The following IMPACT variants were observed in gnomAD, a reference collection of about 807,000 sequenced individuals.
IMPACT encodes protein IMPACT.
In IMPACT, 35 loss-of-function variants were observed where a neutral mutation model predicts 47.5. The ratio of observed to expected loss-of-function variants is 0.74; its 90% CI spans 0.56 to 0.98. The LOEUF (loss-of-function observed/expected upper bound fraction) is 0.98. IMPACT is among the 50% of genes least tolerant of loss of function. IMPACT has a pLI of 0.00. For missense variants in IMPACT, 373 were observed against 394.8 expected, an observed-to-expected ratio of 0.94 and a Z score of 0.47; for synonymous variants, 118 against 125.6, an observed-to-expected ratio of 0.94 and a Z score of 0.40.
chr18:24,450,002 G>A (rs1467718600), intron 10 of IMPACT, 49 bp downstream of exon 10: 1 of 1,587,634 alleles, frequency 6.3e-7, no homozygotes, highest in Non-Finnish European at 8.6e-7. Context: ...TCACTGCCTG[G>A]GAATTTTTTA....
intron 4 of IMPACT, among the ~76,000 whole-genome samples, chr18:24,431,441 G>A (rs1908755806): frequency 6.6e-6 from 1 of 152,170 alleles, no homozygotes. Context: ...TGTAGGTTAT[G>A]TTGAAGATTC....
chr18:24,427,858 GTAAGAA>G (rs776628066), intron 1 of IMPACT, 55 bp from the exon 2 acceptor site: 289 of 1,479,438 alleles, frequency 2.0e-4, no homozygotes, highest in Non-Finnish European at 2.5e-4. Flanking sequence ...TTATAAAGTA[GTAAGAA>G]TAGGATTTTA....
At chr18:24,426,868 G>C in intron 1 of IMPACT, 76 bp downstream of exon 1, 1 of 1,073,922 alleles carries the variant, frequency 9.3e-7, no homozygotes, top group Non-Finnish European at 1.2e-6. Context: ...CCTCAGCCGA[G>C]GGGCCCTCCG....
At chr18:24,437,081 G>GT (rs955925611) in intron 4 of IMPACT, among the ~76,000 whole-genome samples, 2 of 152,144 alleles carry the variant, frequency 1.3e-5, no homozygotes, top group Non-Finnish European at 2.9e-5. Context: ...TCTGTCTCTT[G>GT]TTTCGAAAGT....
chr18:24,430,474 C>A, intron 4 of IMPACT, 90 bp downstream of exon 4: 1 of 902,940 alleles, frequency 1.1e-6, no homozygotes, highest in Non-Finnish European at 1.7e-6. Context: ...TAGAACCTCT[C>A]TAAACTTTTT....
At chr18:24,433,281 GCT>G (rs1229878589) in intron 4 of IMPACT, among the ~76,000 whole-genome samples, 1 of 129,080 alleles carries the variant, frequency 7.7e-6, no homozygotes, top group Non-Finnish European at 1.6e-5. Context: ...CTCACTGCAA[GCT>G]CTGCCTCCCG....
chr18:24,433,452 G>A (rs1247195092), intron 4 of IMPACT, among the ~76,000 whole-genome samples: 2 of 150,298 alleles, frequency 1.3e-5, no homozygotes, highest in African/African-American at 2.4e-5. Flanking sequence ...ACCCGCCTCG[G>A]CCTCCCAAAG....
At position 24,427,934 on chromosome 18, in the gene IMPACT, G is replaced by T. The variant is rs771216933; in HGVS notation, c.52G>T (p.Ala18Ser). The T allele has an allele frequency of 7.8e-5, 124 of 1,594,440 alleles. No individual in the cohort carries two copies. Among genetic ancestry groups the T allele is most frequent in the Non-Finnish European group, 1.0e-4 (121 of 1,174,648 alleles). Residue 18 changes from alanine (A) to serine (S), a missense_variant, in exon 2 of 11, where the codon GCA (alanine) becomes TCA (serine). Ala to Ser is a moderately conservative substitution (Grantham distance 99). Coordinates refer to ENST00000284202, the MANE Select transcript of IMPACT (RefSeq NM_018439.4). ...TTTCTTTCAGAATGAGGAAATTGAAGCAATGGCAGCCATTTATGGCGAGGA... is the reference window on the plus strand; with the variant it reads ...TTTCTTTCAGAATGAGGAAATTGAATCAATGGCAGCCATTTATGGCGAGGA... ...SDQRQNEEIEAMAAIYGEEWC... is the reference protein window; with the variant it reads ...SDQRQNEEIESMAAIYGEEWC...
In IMPACT at chr18:24,451,714, A is replaced by G. The variant is rs1448999115; in HGVS notation, c.*867A>G. ...GCTGTGGCAAATGGGACATTCGTAG[A>G]GTGGGATAGAGGTGGCAGAATGAAC... On this transcript the variant is annotated 3_prime_UTR_variant, in exon 11 of 11. Transcript: ENST00000284202. 1 of 152,180 alleles carries G rather than the reference A, an allele frequency of 6.6e-6. No individual in the cohort carries two copies. Among genetic ancestry groups the G allele is most frequent in the Non-Finnish European group, 1.5e-5 (1 of 68,014 alleles). 9.4% of individuals were successfully genotyped at this position (152,180 alleles called of 1,614,324 possible).
At chr18:24,429,782 AT>A (rs34666741) in intron 3 of IMPACT, among the ~76,000 whole-genome samples, 18,478 of 145,022 alleles carry the variant, frequency 0.13, 1,279 homozygotes, top group Non-Finnish European at 0.16. Context: ...CTTTTAAGAA[AT>A]TTTTTTTTTT....
At position 24,453,386 on chromosome 18, in the gene IMPACT, C is replaced by A. The variant is rs1053480; in HGVS notation, c.*2539C>A. 4.0e-5 allele frequency: 6 copies of A among 151,838 alleles called. No individual in the cohort carries two copies. Among genetic ancestry groups the A allele is most frequent in the Non-Finnish European group, 7.4e-5 (5 of 67,932 alleles). The allele number at this position is 151,838 out of a possible 1,614,324, so 9.4% of individuals were successfully genotyped here. On this transcript the variant is annotated 3_prime_UTR_variant, in exon 11 of 11. Coordinates refer to ENST00000284202, the MANE Select transcript of IMPACT (RefSeq NM_018439.4). ...ATGTACATCCTTATATTATTTTTTT[C>A]TTATGCATGATTTTGTATATATGGT...
rs1054787846 is a variant in IMPACT, at chr18:24,426,796, A to T, written c.36+4A>T. 8 of 1,239,360 alleles carry T rather than the reference A, an allele frequency of 6.5e-6. No individual in the cohort carries two copies. The highest frequency in any genetic ancestry group is 8.1e-6 in the Non-Finnish European group (8 of 988,510). The allele number at this position is 1,239,360 out of a possible 1,614,324, so 76.8% of individuals were successfully genotyped here. A position where few individuals can be genotyped will look rare whatever the true frequency, so the allele number is the denominator to read the frequency against. ...CGCAGGGAGCGACCAGAGGCAGGTGAGGCCCCGGCGGGGTGCTGTCTCTCC... is the reference window on the plus strand; with the variant it reads ...CGCAGGGAGCGACCAGAGGCAGGTGTGGCCCCGGCGGGGTGCTGTCTCTCC... On this transcript the variant is annotated splice_donor_region_variant and intron_variant, in intron 1 of 10. Transcript: ENST00000284202.
At position 24,450,933 on chromosome 18, in the gene IMPACT, A is replaced by G. The variant is rs2144352281; in HGVS notation, c.*86A>G. 2 of 773,174 alleles carry G rather than the reference A, an allele frequency of 2.6e-6. No homozygotes were observed. Among genetic ancestry groups the G allele is most frequent in the African/African-American group, 1.7e-5 (1 of 57,148 alleles). The allele number at this position is 773,174 out of a possible 1,614,324, so 47.9% of individuals were successfully genotyped here. On this transcript the variant is annotated 3_prime_UTR_variant, in exon 11 of 11. Coordinates refer to ENST00000284202, the MANE Select transcript of IMPACT (RefSeq NM_018439.4). ...AAGGAATATATTGTGCAGAGAGAGT[A>G]TCCTTGACTGCTTAAGTCAGCCAGT...
rs1258115482 is a variant in IMPACT, at chr18:24,430,453, G to GAACC, written c.281+70_281+73dup. On this transcript the variant is annotated intron_variant, in intron 4 of 10. Transcript: ENST00000284202. ...TATTGTGGGCTTTTGTTGAACCTGTGAACCCTTTGTTAGAACCTCTCTAAA... is the reference window on the plus strand; with the variant it reads ...TATTGTGGGCTTTTGTTGAACCTGTGAACCAACCCTTTGTTAGAACCTCTCTAAA... 2.4e-6 allele frequency: 3 copies of GAACC among 1,230,374 alleles called. No individual in the cohort carries two copies. The East Asian group carries it at 7.2e-5, about 29-fold the overall frequency. The allele number at this position is 1,230,374 out of a possible 1,614,324, so 76.2% of individuals were successfully genotyped here.
intron 9 of IMPACT, among the ~76,000 whole-genome samples, chr18:24,448,524 C>T (rs897202328): frequency 2.0e-5 from 3 of 151,814 alleles, no homozygotes; most frequent in African/African-American, 7.3e-5. Context: ...GATATTGGAA[C>T]TTCTGGATAG....
rs903030347 is a variant in IMPACT, at chr18:24,443,135, G to A, written c.577G>A (p.Val193Met). Residue 193 changes from valine (V) to methionine (M), a missense_variant, in exon 7 of 11, where the codon GTG becomes ATG. Physicochemically the swap from Val to Met is conservative, Grantham distance 21 (BLOSUM62 1). Transcript: ENST00000284202. ...TACTTTTCAGGCACACTTGGCTCCA[G>A]TGGTTTGTCCCAAACAGGTAAAGTT... ...RSTFQAHLAP[V>M]VCPKQVKMVL... is the part of the protein sequence containing the mutation. 3 of 1,596,010 alleles carry A rather than the reference G, an allele frequency of 1.9e-6. No homozygotes were observed. The highest frequency in any genetic ancestry group is 2.6e-6 in the Non-Finnish European group (3 of 1,165,548).
chr18:24,445,983 A>T (rs10163814), intron 8 of IMPACT, among the ~76,000 whole-genome samples: 1 of 152,130 alleles, frequency 6.6e-6, no homozygotes, highest in African/African-American at 2.4e-5. Flanking sequence ...ATGGGAATAT[A>T]ATAAAAGGAA....
intron 5 of IMPACT, 49 bp from the exon 6 acceptor site, chr18:24,440,447 A>G (rs377588849): frequency 9.0e-5 from 142 of 1,585,714 alleles, no homozygotes; most frequent in Non-Finnish European, 8.0e-5. Flanking sequence ...TTTAAAAAGC[A>G]TCGTTTCTTA....
At chr18:24,428,234 C>A (rs1319323604) in intron 2 of IMPACT, among the ~76,000 whole-genome samples, 187 bp downstream of exon 2, 1 of 152,216 alleles carries the variant, frequency 6.6e-6, no homozygotes, top group African/African-American at 2.4e-5. Flanking sequence ...TAGTTCCAGT[C>A]TTTCTAATCC....
Sources: allele counts gnomAD v4.1 joint callset (sites outside exome capture counted in the v4.1 genomes callset), GRCh38; gene constraint gnomAD v4.1.1; transcripts MANE v1.5; gene names NCBI Gene and HGNC (gene_info 2026-07-23, HGNC 2026-07-21).